EVA1A: variants seen among roughly 807,000 people sequenced by gnomAD.
EVA1A encodes eva-1 homolog A, regulator of programmed cell death, also known as protein eva-1 homolog A.
A neutral mutation model predicts 9.8 loss-of-function variants in EVA1A; 7 were observed. That is an observed-to-expected ratio of 0.71 (90% confidence interval 0.41 to 1.34). The LOEUF (loss-of-function observed/expected upper bound fraction) is 1.34, where lower values mean the gene tolerates loss of function less well. Among genes scored for constraint, EVA1A ranks in the 40% most tolerant of loss-of-function variants. EVA1A has a pLI of 0.01. For synonymous variants in EVA1A, 90 were observed against 85.6 expected (o/e 1.05, Z -0.28); for missense variants, 206 against 205.9 (o/e 1.00, Z 0.00).
chr2:75,518,129 G>A lies in EVA1A; in HGVS notation c.12C>T (p.Pro4=), dbSNP rs1199055530. The change falls in exon 3 of 4, where the codon CCC becomes CCT. Residue 4 remains proline (P), a synonymous_variant. Coordinates refer to ENST00000393913, the MANE Select transcript of EVA1A (RefSeq NM_001135032.2). The part of the protein sequence containing the change: MRL[P]LSHSPEHVEM... ...CCACGTGCTCTGGGCTGTGGCTGAG[G>A]GGCAGCCTCATGGGACATCCAGAGG... 2 of 1,614,024 alleles carry A rather than the reference G, an allele frequency of 1.2e-6. No homozygotes were observed. Among genetic ancestry groups the A allele is most frequent in the South Asian group, 2.2e-5 (2 of 91,074 alleles).
intron 3 of EVA1A, among the ~76,000 whole-genome samples, chr2:75,507,867 T>C (rs1348324766): frequency 2.0e-5 from 3 of 152,192 alleles, no homozygotes; most frequent in Non-Finnish European, 4.4e-5. Flanking sequence ...GGACCTTTGT[T>C]GCGGGAAGTC....
At chr2:75,517,873 G>T (rs1378990076) in intron 3 of EVA1A, 183 bp downstream of exon 3, 2 of 766,304 alleles carry the variant, frequency 2.6e-6, no homozygotes, top group African/African-American at 1.7e-5. Flanking sequence ...TTTCAAATTA[G>T]AGAATGACAA....
At chr2:75,495,711 C>T (rs1674188017) in intron 3 of EVA1A, among the ~76,000 whole-genome samples, 1 of 152,176 alleles carries the variant, frequency 6.6e-6, no homozygotes, top group Admixed American at 6.5e-5. Context: ...TCAGAAATCA[C>T]CACTGAAGAA....
At position 75,560,677 on chromosome 2, in the gene EVA1A, T is replaced by C. The variant is rs1217689754; in HGVS notation, c.-192+3A>G. 1 of 152,178 alleles carries C rather than the reference T, an allele frequency of 6.6e-6. No homozygotes were observed. The highest frequency in any genetic ancestry group is 1.5e-5 in the Non-Finnish European group (1 of 68,060). The allele number at this position is 152,178 out of a possible 1,614,324, so 9.4% of individuals were successfully genotyped here. ...TCAGGGAGCGCTCTCGGGCACCTCT[T>C]ACCTTTGCTGGGGCCCCGGCGCGCA... is the stretch of plus-strand genomic sequence containing the variant. On this transcript the variant is annotated splice_donor_region_variant and intron_variant, in intron 1 of 3. Coordinates refer to ENST00000393913, the MANE Select transcript of EVA1A (RefSeq NM_001135032.2).
rs371948023 is a variant in EVA1A, at chr2:75,501,999, T to C, written c.86-8390A>G. 1.8e-3 allele frequency among the ~76,000 whole-genome samples: 281 copies of C among 152,316 alleles called. 5 individuals are homozygous for C. The highest frequency in any genetic ancestry group is 6.5e-3 in the African/African-American group (271 of 41,578). On this transcript the variant is annotated intron_variant, in intron 3 of 3. Transcript: ENST00000393913. ...AATTCCCCAACCAAGAGAAAATCTG[T>C]CTGGATCCCAGAGTGAGAGAAAGAT...
intron 3 of EVA1A, among the ~76,000 whole-genome samples, chr2:75,511,382 T>C (rs917033359): frequency 8.5e-5 from 13 of 152,188 alleles, no homozygotes; most frequent in African/African-American, 3.1e-4. Flanking sequence ...CCATTTTCAC[T>C]GGACATAAGT....
intron 3 of EVA1A, among the ~76,000 whole-genome samples, chr2:75,503,152 G>A (rs953454731): frequency 6.6e-6 from 1 of 152,138 alleles, no homozygotes; most frequent in African/African-American, 2.4e-5. Context: ...ATCCCAAGCT[G>A]GTGACTCAGG....
At chr2:75,567,646 C>T (rs534815515) in intron 1 of EVA1A, among the ~76,000 whole-genome samples, 4 of 152,326 alleles carry the variant, frequency 2.6e-5, no homozygotes, top group South Asian at 2.1e-4. Flanking sequence ...ATCCATTCTT[C>T]CATTCATAGA....
chr2:75,543,733 T>C (rs976408215), intron 1 of EVA1A, among the ~76,000 whole-genome samples: 1 of 152,054 alleles, frequency 6.6e-6, no homozygotes, highest in African/African-American at 2.4e-5. Flanking sequence ...TACAACCACA[T>C]AGGACCTGCC....
chr2:75,562,906 A>T (rs1676953902), upstream of EVA1A, among the ~76,000 whole-genome samples: 1 of 152,236 alleles, frequency 6.6e-6, no homozygotes, highest in Non-Finnish European at 1.5e-5. Context: ...ATTAGTAAAG[A>T]AATAAATAGA....
chr2:75,522,199 G>A lies in EVA1A; in HGVS notation c.-69+166C>T, dbSNP rs148241757. Among the ~76,000 whole-genome samples the A allele has an allele frequency of 7.4e-3, 1,127 of 152,306 alleles. 15 individuals are homozygous for A. The highest frequency in any genetic ancestry group is 0.026 in the African/African-American group (1,064 of 41,578). ...AAGCAAAGGAAAGACCTATTGCAGT[G>A]AAGCCCCCTATTAATCTTCCAAATG... On this transcript the variant is annotated intron_variant, in intron 2 of 3. Coordinates refer to ENST00000393913, the MANE Select transcript of EVA1A (RefSeq NM_001135032.2).
intron 3 of EVA1A, among the ~76,000 whole-genome samples, chr2:75,498,530 G>T (rs1005953471): frequency 6.6e-6 from 1 of 152,082 alleles, no homozygotes; most frequent in Non-Finnish European, 1.5e-5. Flanking sequence ...TAATAAGGGA[G>T]GGATATGAGA....
In EVA1A at chr2:75,552,239, T is replaced by G. The variant is rs138727946; in HGVS notation, c.-192+8441A>C. Among the ~76,000 whole-genome samples the G allele has an allele frequency of 4.9e-3, 743 of 152,100 alleles. 6 individuals are homozygous for G. Among genetic ancestry groups the G allele is most frequent in the African/African-American group, 0.017 (717 of 41,480 alleles). On this transcript the variant is annotated intron_variant, in intron 1 of 3. Transcript: ENST00000393913. ...AAATCTTGAAGACTTTTCTCGGGAA[T>G]GTCAAACCTAGAAAACATCTGCCCA...
At chr2:75,509,032 G>C (rs985261768) in intron 3 of EVA1A, among the ~76,000 whole-genome samples, 1 of 152,166 alleles carries the variant, frequency 6.6e-6, no homozygotes, top group African/African-American at 2.4e-5. Context: ...ATGCAGAGGA[G>C]AGCCTGTGTC....
At chr2:75,499,756 C>A (rs1398378287) in intron 3 of EVA1A, among the ~76,000 whole-genome samples, 2 of 152,216 alleles carry the variant, frequency 1.3e-5, no homozygotes, top group East Asian at 3.9e-4. Flanking sequence ...GGTCAGGGAG[C>A]CCAGGTTGCT....
intron 1 of EVA1A, among the ~76,000 whole-genome samples, chr2:75,569,149 AT>A (rs1677079798): frequency 6.6e-6 from 1 of 152,000 alleles, no homozygotes; most frequent in Non-Finnish European, 1.5e-5. Flanking sequence ...CATTTTAATT[AT>A]TTAATTTTAA....
chr2:75,496,120 T>G (rs571513543), intron 3 of EVA1A, among the ~76,000 whole-genome samples: 3 of 152,240 alleles, frequency 2.0e-5, no homozygotes, highest in African/African-American at 7.2e-5. Flanking sequence ...ATAATGCAAG[T>G]GAAAGTGCTT....
intron 1 of EVA1A, among the ~76,000 whole-genome samples, chr2:75,565,975 TTCTC>T (rs1677018659): frequency 6.6e-6 from 1 of 152,082 alleles, no homozygotes; most frequent in Non-Finnish European, 1.5e-5. Flanking sequence ...CTTTCTCTTT[TTCTC>T]TCTCTCTCTT....
intron 1 of EVA1A, among the ~76,000 whole-genome samples, chr2:75,529,494 A>G (rs1441387132): frequency 1.3e-5 from 2 of 152,254 alleles, no homozygotes; most frequent in African/African-American, 4.8e-5. Context: ...ACCATATGAT[A>G]GACCACAAAA....
Sources: gnomAD v4.1 joint callset for allele counts (sites outside exome capture counted in the v4.1 genomes callset) on GRCh38, gnomAD v4.1.1 for gene constraint, MANE v1.5 for transcripts, NCBI Gene and HGNC (gene_info 2026-07-23, HGNC 2026-07-21) for gene names.